The following HMCN1 variants were observed in gnomAD, a reference collection of about 807,000 sequenced individuals.
HMCN1 encodes the protein hemicentin 1.
A neutral mutation model predicts 625.9 loss-of-function variants in HMCN1; 321 were observed. The observed-to-expected ratio is 0.51, with a 90% CI of 0.47 to 0.56. HMCN1 has a LOEUF of 0.56. Ranked by LOEUF, HMCN1 falls within the 20% of genes least tolerant of loss-of-function variation. The pLI, the probability that HMCN1 is intolerant of heterozygous loss-of-function variation, is 0.00. For missense variants in HMCN1, 6,588 were observed against 6,887.3 expected (o/e 0.96, Z 1.54); for synonymous variants, 2,425 against 2,417.6 (o/e 1.00, Z -0.09).
chr1:185,852,989 A>G (rs1490137833), intron 2 of HMCN1, among the ~76,000 whole-genome samples: 1 of 152,140 alleles, frequency 6.6e-6, no homozygotes, highest in Non-Finnish European at 1.5e-5. Flanking sequence ...AATAGCAAGT[A>G]GCAAAGCTGG....
intron 100 of HMCN1, among the ~76,000 whole-genome samples, chr1:186,168,399 G>A (rs1466216843): frequency 6.6e-6 from 1 of 151,416 alleles, no homozygotes; most frequent in Non-Finnish European, 1.5e-5. Context: ...GTTGCAGTGA[G>A]CTGAGATCAT....
intron 57 of HMCN1, among the ~76,000 whole-genome samples, chr1:186,085,323 A>C (rs1360831639): frequency 1.3e-5 from 2 of 152,150 alleles, no homozygotes; most frequent in African/African-American, 4.8e-5. Context: ...GTCCAAGATC[A>C]AGGTGCTGGC....
intron 70 of HMCN1, 49 bp downstream of exon 70, chr1:186,107,014 G>C: frequency 9.0e-7 from 1 of 1,109,006 alleles, no homozygotes; most frequent in Non-Finnish European, 1.4e-6. Context: ...CACCTAATTA[G>C]AAAACCCTGG....
At chr1:185,987,272 C>T (rs1418761156) in intron 19 of HMCN1, among the ~76,000 whole-genome samples, 160 bp from the exon 20 acceptor site, 1 of 152,124 alleles carries the variant, frequency 6.6e-6, no homozygotes, top group Non-Finnish European at 1.5e-5. Context: ...TTGTTTAGCA[C>T]ACTCCTTTAC....
At chr1:186,096,993 G>A (rs1032876269) in intron 68 of HMCN1, among the ~76,000 whole-genome samples, 15 of 152,098 alleles carry the variant, frequency 9.9e-5, no homozygotes, top group Admixed American at 7.2e-4. Context: ...AGATAAGGAT[G>A]CCCACTTTCT....
chr1:185,750,810 T>A lies in HMCN1; in HGVS notation c.268+15763T>A, dbSNP rs1268171118. ...TTGATCTTTCCCCCTCTTTTCCTAC[T>A]GTTGAGTTTTTTTAAAATTCTATTT... is the stretch of plus-strand genomic sequence containing the variant. On this transcript the variant is annotated intron_variant, in intron 1 of 106. Coordinates refer to ENST00000271588, the MANE Select transcript of HMCN1 (RefSeq NM_031935.3). Among the ~76,000 whole-genome samples, 4 of 147,254 alleles carry A rather than the reference T, an allele frequency of 2.7e-5. No individual in the cohort carries two copies. In the South Asian group the frequency reaches 6.2e-4, roughly 23 times the overall value.
intron 80 of HMCN1, among the ~76,000 whole-genome samples, chr1:186,121,112 G>T (rs746245240): frequency 1.3e-5 from 2 of 152,162 alleles, no homozygotes; most frequent in Non-Finnish European, 2.9e-5. Flanking sequence ...CATGTACAGT[G>T]ACCCCAAGTC....
rs1448934423 is a variant in HMCN1, at chr1:185,962,677, T to A, written c.1970+18T>A. ...TCACACAGGTACTGGGTTTGTATCATGTTTTTGTTTTTATTGAGTGAGAAA... is the reference window on the plus strand; with the variant it reads ...TCACACAGGTACTGGGTTTGTATCAAGTTTTTGTTTTTATTGAGTGAGAAA... On this transcript the variant is annotated intron_variant, in intron 12 of 106. Transcript: ENST00000271588. 6.8e-7 allele frequency: 1 copy of A among 1,464,138 alleles called. No homozygotes were observed. Among genetic ancestry groups the A allele is most frequent in the Non-Finnish European group, 9.6e-7 (1 of 1,043,298 alleles). 90.7% of individuals were successfully genotyped at this position (1,464,138 alleles called of 1,614,324 possible).
At chr1:185,812,970 C>T (rs939375038) in intron 1 of HMCN1, among the ~76,000 whole-genome samples, 1 of 151,994 alleles carries the variant, frequency 6.6e-6, no homozygotes, top group Admixed American at 6.6e-5. Context: ...TACATGAGTA[C>T]AGTTTTCACA....
chr1:186,035,570 T>C lies in HMCN1; in HGVS notation c.5750-2364T>C, dbSNP rs115495512. 1.2e-3 allele frequency among the ~76,000 whole-genome samples: 186 copies of C among 152,274 alleles called. 3 individuals carry two copies. Among genetic ancestry groups the C allele is most frequent in the African/African-American group, 4.1e-3 (172 of 41,584 alleles). ...TGTTAATTATGGATTTCGATTTTCT[T>C]TAAGTACTGTACTGCTTTAGTGACA... On this transcript the variant is annotated intron_variant, in intron 36 of 106. Transcript: ENST00000271588.
chr1:186,083,599 G>T (rs1659305931), intron 57 of HMCN1, among the ~76,000 whole-genome samples: 1 of 151,384 alleles, frequency 6.6e-6, no homozygotes, highest in South Asian at 2.1e-4. Flanking sequence ...GGAAATGGTG[G>T]ATAATCATTA....
At chr1:185,812,900 G>A (rs114109806) in intron 1 of HMCN1, among the ~76,000 whole-genome samples, 97 of 152,066 alleles carry the variant, frequency 6.4e-4, no homozygotes, top group African/African-American at 2.3e-3. Context: ...ATAGCATAAA[G>A]TTTCCAAATT....
intron 1 of HMCN1, among the ~76,000 whole-genome samples, chr1:185,812,749 A>G (rs543848998): frequency 6.6e-6 from 1 of 152,104 alleles, no homozygotes; most frequent in Admixed American, 6.6e-5. Context: ...TGGTTCTTAA[A>G]TTATCTCAAT....
In HMCN1 at chr1:186,007,436, G is replaced by A. The variant is rs1018064395; in HGVS notation, c.4630+154G>A. Among the ~76,000 whole-genome samples the A allele has an allele frequency of 4.7e-4, 72 of 152,102 alleles. 1 individual carries two copies. Among genetic ancestry groups the A allele is most frequent in the Non-Finnish European group, 1.0e-4 (7 of 67,990 alleles). ...GAGCTTATCTTCATGTGTTTTAAAA[G>A]GCTAGAATATTGGATCAAATTTTAA... On this transcript the variant is annotated intron_variant, in intron 30 of 106. Coordinates refer to ENST00000271588, the MANE Select transcript of HMCN1 (RefSeq NM_031935.3).
chr1:185,936,880 T>G (rs1035860428), intron 11 of HMCN1, among the ~76,000 whole-genome samples: 10 of 152,114 alleles, frequency 6.6e-5, no homozygotes, highest in African/African-American at 2.4e-4. Flanking sequence ...GAAAAGGGGG[T>G]TCAGCTCCTC....
At position 186,153,655 on chromosome 1, in the gene HMCN1, C is replaced by A; in HGVS notation, c.15019-95C>A. 12 of 998,874 alleles carry A rather than the reference C, an allele frequency of 1.2e-5. 1 individual carries two copies. Among genetic ancestry groups the A allele is most frequent in the South Asian group, 3.8e-5 (3 of 78,140 alleles). 61.9% of individuals were successfully genotyped at this position (998,874 alleles called of 1,614,324 possible). ...GATGTGTGTTTTTTAGCTCCTAATC[C>A]TTTTTCCCCGCTCATTCTGCATTTC... is the stretch of plus-strand genomic sequence containing the variant. On this transcript the variant is annotated intron_variant, in intron 96 of 106. Coordinates refer to ENST00000271588, the MANE Select transcript of HMCN1 (RefSeq NM_031935.3).
intron 1 of HMCN1, among the ~76,000 whole-genome samples, chr1:185,774,567 A>G (rs1445135230): frequency 6.6e-6 from 1 of 152,154 alleles, no homozygotes; most frequent in Non-Finnish European, 1.5e-5. Flanking sequence ...AGCTAAATAA[A>G]TGAATTGCTG....
chr1:185,885,181 G>C (rs1298542982), intron 4 of HMCN1, among the ~76,000 whole-genome samples: 1 of 151,598 alleles, frequency 6.6e-6, no homozygotes, highest in African/African-American at 2.4e-5. Flanking sequence ...TAAGAATTCA[G>C]TATATTAGAA....
intron 1 of HMCN1, among the ~76,000 whole-genome samples, chr1:185,819,659 C>T (rs1660065967): frequency 6.6e-6 from 1 of 152,076 alleles, no homozygotes; most frequent in South Asian, 2.1e-4. Context: ...TAAAGCCTTT[C>T]TTCTTCAATA....
Sources: allele counts gnomAD v4.1 joint callset (sites outside exome capture counted in the v4.1 genomes callset), GRCh38; gene constraint gnomAD v4.1.1; transcripts MANE v1.5; gene names NCBI Gene and HGNC (gene_info 2026-07-23, HGNC 2026-07-21).